Variants in ADK observed in about 807,000 individuals in gnomAD.
ADK encodes the protein adenosine kinase.
ADK carries 24 observed loss-of-function variants against 44.7 expected under a neutral mutation model. That is an observed-to-expected ratio of 0.54 (90% confidence interval 0.39 to 0.76). The LOEUF (loss-of-function observed/expected upper bound fraction) is 0.76. ADK is among the 30% of genes least tolerant of loss of function. The pLI is 0.00. For synonymous variants in ADK, 128 were observed against 142.6 expected (o/e 0.90, Z 0.73); for missense variants, 321 against 425.1 (o/e 0.76, Z 2.15).
chr10:74,212,630 G>A (rs778096051), intron 2 of ADK, among the ~76,000 whole-genome samples: 2 of 152,178 alleles, frequency 1.3e-5, no homozygotes, highest in Non-Finnish European at 2.9e-5. Context: ...TGGCTACTGA[G>A]CTTGAAATCT....
intron 4 of ADK, among the ~76,000 whole-genome samples, chr10:74,326,666 C>G (rs755580926): frequency 4.6e-5 from 7 of 152,052 alleles, no homozygotes; most frequent in Non-Finnish European, 8.8e-5. Context: ...CCATCAGGTC[C>G]TAGGCATTTT....
At chr10:74,448,248 G>A (rs1379730584) in intron 6 of ADK, among the ~76,000 whole-genome samples, 1 of 152,032 alleles carries the variant, frequency 6.6e-6, no homozygotes, top group African/African-American at 2.4e-5. Context: ...GAGCCCAGGA[G>A]TTCAAGTCCA....
intron 1 of ADK, among the ~76,000 whole-genome samples, chr10:74,192,947 C>T (rs1437312751): frequency 6.6e-6 from 1 of 152,130 alleles, no homozygotes; most frequent in Admixed American, 6.5e-5. Flanking sequence ...GTGTGTCTGC[C>T]TGTTTTACTA....
intron 7 of ADK, among the ~76,000 whole-genome samples, chr10:74,574,782 T>C (rs1851126359): frequency 6.6e-6 from 1 of 152,222 alleles, no homozygotes; most frequent in South Asian, 2.1e-4. Flanking sequence ...TTCCCAAGTT[T>C]TTAGTCAGAT....
intron 7 of ADK, among the ~76,000 whole-genome samples, chr10:74,541,319 A>G (rs1231047497): frequency 6.6e-6 from 1 of 152,146 alleles, no homozygotes; most frequent in African/African-American, 2.4e-5. Flanking sequence ...CCAGCTTAAC[A>G]TTAATTTTTT....
At chr10:74,262,327 A>C (rs1417458785) in intron 3 of ADK, among the ~76,000 whole-genome samples, 3 of 152,002 alleles carry the variant, frequency 2.0e-5, no homozygotes, top group East Asian at 3.9e-4. Flanking sequence ...AAAAAAAAAA[A>C]AAACAAAAAA....
intron 6 of ADK, among the ~76,000 whole-genome samples, chr10:74,486,221 G>A (rs113437088): frequency 2.7e-5 from 4 of 149,890 alleles, no homozygotes; most frequent in Non-Finnish European, 4.5e-5. Flanking sequence ...ACACTTGCAC[G>A]CTCTCTCTCT....
chr10:74,331,536 T>A (rs932911421), intron 4 of ADK, among the ~76,000 whole-genome samples: 2 of 152,198 alleles, frequency 1.3e-5, no homozygotes, highest in Non-Finnish European at 2.9e-5. Flanking sequence ...CAGGCTGGAG[T>A]GCAGTGGCAC....
At chr10:74,448,695 G>C (rs1453669403) in intron 6 of ADK, among the ~76,000 whole-genome samples, 1 of 151,928 alleles carries the variant, frequency 6.6e-6, no homozygotes, top group Non-Finnish European at 1.5e-5. Flanking sequence ...CTACATCTGG[G>C]CTTCTTTAAT....
intron 3 of ADK, among the ~76,000 whole-genome samples, chr10:74,293,754 T>G (rs1229698172): frequency 6.6e-6 from 1 of 152,238 alleles, no homozygotes; most frequent in East Asian, 1.9e-4. Flanking sequence ...GAAGAGCATT[T>G]GCCAAAATTC....
intron 4 of ADK, among the ~76,000 whole-genome samples, chr10:74,378,208 T>G (rs1384614635): frequency 6.6e-6 from 1 of 151,806 alleles, no homozygotes; most frequent in Non-Finnish European, 1.5e-5. Context: ...CCCAGGAGTT[T>G]GAGGTTATAG....
chr10:74,501,100 T>C (rs1182611477), intron 6 of ADK, among the ~76,000 whole-genome samples: 1 of 152,166 alleles, frequency 6.6e-6, no homozygotes, highest in Non-Finnish European at 1.5e-5. Context: ...AAATAAACAA[T>C]GCAAACTTCA....
intron 6 of ADK, among the ~76,000 whole-genome samples, chr10:74,451,067 C>CTTTTTTTTTTT (rs35120068): frequency 1.8e-3 from 131 of 72,160 alleles, no homozygotes; most frequent in African/African-American, 2.7e-3. Context: ...GCTCTGCTGC[C>CTTTTTTTTTTT]TTTTTTTTTT....
At chr10:74,603,736 A>G (rs1156985616) in intron 9 of ADK, among the ~76,000 whole-genome samples, 1 of 152,192 alleles carries the variant, frequency 6.6e-6, no homozygotes, top group African/African-American at 2.4e-5. Context: ...TTATAGTAGA[A>G]TGATTTATAA....
intron 4 of ADK, among the ~76,000 whole-genome samples, chr10:74,343,971 T>C (rs1304268375): frequency 6.6e-6 from 1 of 152,240 alleles, no homozygotes; most frequent in Non-Finnish European, 1.5e-5. Context: ...TCTATTGATA[T>C]GATGCATTGA....
chr10:74,313,342 G>T (rs866555533), intron 3 of ADK, among the ~76,000 whole-genome samples: 3 of 151,914 alleles, frequency 2.0e-5, no homozygotes, highest in Middle Eastern at 3.4e-3. Context: ...GGGGGGAGAG[G>T]TTGGAACATC....
At chr10:74,377,930 T>C (rs1048606762) in intron 4 of ADK, among the ~76,000 whole-genome samples, 4 of 152,144 alleles carry the variant, frequency 2.6e-5, no homozygotes, top group Non-Finnish European at 5.9e-5. Flanking sequence ...CTCACAAATA[T>C]CTAATAAAAT....
intron 1 of ADK, among the ~76,000 whole-genome samples, chr10:74,175,162 C>G (rs138794887): frequency 2.3e-3 from 346 of 152,304 alleles, no homozygotes; most frequent in African/African-American, 7.8e-3. Context: ...GGGCAGATCG[C>G]TTGAGGCCAG....
At chr10:74,522,182 G>A (rs1225474201) in intron 6 of ADK, among the ~76,000 whole-genome samples, 1 of 152,134 alleles carries the variant, frequency 6.6e-6, no homozygotes, top group East Asian at 1.9e-4. Context: ...AGCAAAAACT[G>A]TATTTTTATG....
Sources: gnomAD v4.1 joint callset for allele counts (sites outside exome capture counted in the v4.1 genomes callset) on GRCh38, gnomAD v4.1.1 for gene constraint, MANE v1.5 for transcripts, NCBI Gene and HGNC (gene_info 2026-07-23, HGNC 2026-07-21) for gene names.